The following KIAA1614 variants were observed in gnomAD, a reference collection of about 807,000 sequenced individuals.
KIAA1614 encodes uncharacterized protein KIAA1614.
KIAA1614 carries 76 observed loss-of-function variants against 88.7 expected under a neutral mutation model. That is an observed-to-expected ratio of 0.86 (90% confidence interval 0.71 to 1.04). The LOEUF is 1.04. Ranked by LOEUF, KIAA1614 falls within the 50% of genes least tolerant of loss-of-function variation. The pLI is 0.00. For synonymous variants in KIAA1614, 714 were observed against 675.5 expected, an observed-to-expected ratio of 1.06 and a Z score of -0.88; for missense variants, 1,553 against 1,582.5, an observed-to-expected ratio of 0.98 and a Z score of 0.32.
intron 8 of KIAA1614, 60 bp downstream of exon 8, chr1:180,944,576 G>A (rs1271296606): frequency 6.4e-7 from 1 of 1,567,742 alleles, no homozygotes; most frequent in Non-Finnish European, 8.7e-7. Context: ...GGAGCCAAAA[G>A]CTTAACTCCT....
chr1:180,935,236 CG>C lies in KIAA1614; in HGVS notation c.1331del (p.Gly444AlafsTer33). 1.3e-6 allele frequency: 2 copies of C among 1,532,454 alleles called. No individual in the cohort carries two copies. Among genetic ancestry groups the C allele is most frequent in the Admixed American group, 2.1e-5 (1 of 47,014 alleles). The allele number at this position is 1,532,454 out of a possible 1,614,324, so 94.9% of individuals were successfully genotyped here. A position where few individuals can be genotyped will look rare whatever the true frequency, so the allele number is the denominator to read the frequency against. On this transcript the variant is annotated frameshift_variant, in exon 5 of 9. Coordinates refer to ENST00000367588, the MANE Select transcript of KIAA1614 (RefSeq NM_020950.2). LOFTEE classifies it high-confidence loss of function. The surrounding 1 kb of genome is among the most constrained non-coding windows in gnomAD (Gnocchi z 6.1). ...GTCCAGCGGTGGGCACAGGCCGAGG[CG>C]GGGCCCCTCGCCGTCGCACGTGCGC... ...GESSGGHRPR[R>X]GPSPSHVRFE... is the part of the protein sequence containing the mutation.
intron 4 of KIAA1614, among the ~76,000 whole-genome samples, chr1:180,934,571 C>T (rs1370497900): frequency 6.6e-6 from 1 of 152,164 alleles, no homozygotes; most frequent in Non-Finnish European, 1.5e-5. Flanking sequence ...GCCTGGGCAT[C>T]ATAGAGAGAT....
intron 7 of KIAA1614, 112 bp from the exon 8 acceptor site, chr1:180,944,277 G>T: frequency 1.9e-6 from 2 of 1,074,602 alleles, no homozygotes; most frequent in South Asian, 1.5e-5. Context: ...AATGATAAAA[G>T]CTTGTGCTGT....
At position 180,928,573 on chromosome 1, in the gene KIAA1614, G is replaced by A. The variant is rs201563384; in HGVS notation, c.1205G>A (p.Arg402Gln). Reference protein sequence around the residue: ...DIVPTITQGSRDGHRSPARDP... With the variant: ...DIVPTITQGSQDGHRSPARDP... ...GTGCCCACCATTACCCAGGGCAGCC[G>A]GTGAGTGGGACCTGGGCCAGGCTAG... Residue 402 changes from arginine to glutamine, a missense_variant and splice_region_variant, in exon 4 of 9, where the codon CGA becomes CAA. Physicochemically the swap from Arg to Gln is conservative, Grantham distance 43. Transcript: ENST00000367588. 1.6e-4 allele frequency: 250 copies of A among 1,611,290 alleles called. No individual in the cohort carries two copies. The highest frequency in any genetic ancestry group is 1.9e-4 in the Non-Finnish European group (227 of 1,178,926).
In KIAA1614 at chr1:180,936,566, C is replaced by T; in HGVS notation, c.2657C>T (p.Pro886Leu). Residue 886 changes from proline to leucine, a missense_variant, in exon 5 of 9, where the codon CCT becomes CTT. Pro to Leu is a moderately conservative substitution (Grantham distance 98). Transcript: ENST00000367588. ...ACCAACAACTGCAACAACAGCGCAC[C>T]TCGGGGGCTGCAGGAGCCCTACGGG... The part of the protein sequence containing the change: ...LSTNNCNNSA[P>L]RGLQEPYGGA... The T allele has an allele frequency of 1.2e-6, 2 of 1,613,660 alleles. No homozygotes were observed. Among genetic ancestry groups the T allele is most frequent in the Admixed American group, 1.7e-5 (1 of 59,970 alleles).
Position 180,917,061 on chromosome 1 carries a change from A to G in KIAA1614, c.958A>G (p.Thr320Ala), listed in dbSNP as rs772251903. The G allele has an allele frequency of 1.2e-6, 2 of 1,613,516 alleles. No homozygotes were observed. The highest frequency in any genetic ancestry group is 1.7e-6 in the Non-Finnish European group (2 of 1,179,988). The part of the protein sequence containing the change: ...VSGQSPRKVG[T>A]PAWTPSWDTA... ...TGGGCAGAGCCCCCGCAAGGTGGGA[A>G]CCCCTGCCTGGACTCCATCCTGGGA... Residue 320 changes from threonine to alanine, a missense_variant, in exon 2 of 9, where the codon ACC becomes GCC. Transcript: ENST00000367588.
At chr1:180,937,023 T>C (rs76125201) in intron 5 of KIAA1614, among the ~76,000 whole-genome samples, 2,514 of 152,320 alleles carry the variant, frequency 0.017, 82 homozygotes, top group African/African-American at 0.058. Flanking sequence ...GCCTGGACTT[T>C]AAGGGATGTA....
chr1:180,945,229 T>G, intron 8 of KIAA1614, 74 bp from the exon 9 acceptor site: 1 of 1,476,244 alleles, frequency 6.8e-7, no homozygotes, highest in South Asian at 1.3e-5. Flanking sequence ...GCATCGGTCA[T>G]CTGTAAGCCA....
chr1:180,912,927 G>C lies in KIAA1614; in HGVS notation c.-317G>C, dbSNP rs938901862. Among the ~76,000 whole-genome samples the C allele has an allele frequency of 4.8e-4, 73 of 151,898 alleles. No individual in the cohort carries two copies. Among genetic ancestry groups the C allele is most frequent in the Non-Finnish European group, 8.1e-4 (55 of 67,912 alleles). On this transcript the variant is annotated 5_prime_UTR_variant, in exon 1 of 9. Transcript: ENST00000367588. The surrounding 1 kb of genome is among the most constrained non-coding windows in gnomAD (Gnocchi z 5.1). Reference sequence around the variant, plus strand: ...TCCCCTCCACGGCAAAGCCGTGAACGGACAGCTGATGCCACTTCCTTCCCT... The same window carrying C: ...TCCCCTCCACGGCAAAGCCGTGAACCGACAGCTGATGCCACTTCCTTCCCT...
In KIAA1614 at chr1:180,916,577, G is replaced by C; in HGVS notation, c.474G>C (p.Glu158Asp). ...GGCAGCTGGACGGCAGCATCAATGA[G>C]GAGCAACCCGCCAGGGATGGAGGCC... is the stretch of plus-strand genomic sequence containing the variant. Reference protein sequence around the residue: ...PDGQLDGSINEEQPARDGGPR... With the variant: ...PDGQLDGSINDEQPARDGGPR... Residue 158 changes from glutamate (E) to aspartate (D), a missense_variant, in exon 2 of 9, where the codon GAG becomes GAC. Physicochemically the swap from Glu to Asp is conservative, Grantham distance 45. Transcript: ENST00000367588. 6.2e-7 allele frequency: 1 copy of C among 1,609,006 alleles called. No individual in the cohort carries two copies.
intron 5 of KIAA1614, among the ~76,000 whole-genome samples, chr1:180,937,426 A>G (rs1016772495): frequency 6.6e-6 from 1 of 152,146 alleles, no homozygotes; most frequent in Non-Finnish European, 1.5e-5. Context: ...TGTGGGTCTC[A>G]CCACTTTGCC....
At chr1:180,917,984 G>C in intron 3 of KIAA1614, 70 bp downstream of exon 3, 2 of 1,365,094 alleles carry the variant, frequency 1.5e-6, no homozygotes, top group Non-Finnish European at 2.1e-6. Context: ...CTCAGCATCA[G>C]GACAGTAAGA....
At chr1:180,941,764 C>T (rs923034746) in intron 7 of KIAA1614, among the ~76,000 whole-genome samples, 4 of 152,220 alleles carry the variant, frequency 2.6e-5, no homozygotes, top group African/African-American at 9.7e-5. Flanking sequence ...GAACATCTGT[C>T]ATTGGTCCCT....
Position 180,950,482 on chromosome 1 carries a change from C to T in KIAA1614, c.*4894C>T, listed in dbSNP as rs574753722. ...CTCACATTAAGGAGCTCCTGGCCCA[C>T]TCAGAGAGCTTGTCAATCCGTGTCC... On this transcript the variant is annotated 3_prime_UTR_variant, in exon 9 of 9. Transcript: ENST00000367588. 18 of 1,142,790 alleles carry T rather than the reference C, an allele frequency of 1.6e-5. No individual in the cohort carries two copies. The East Asian group carries it at 1.5e-3, about 97-fold the overall frequency. 70.8% of individuals were successfully genotyped at this position (1,142,790 alleles called of 1,614,324 possible). A position where few individuals can be genotyped will look rare whatever the true frequency, so the allele number is the denominator to read the frequency against.
At chr1:180,938,782 C>A in intron 6 of KIAA1614, 71 bp downstream of exon 6, 1 of 1,486,412 alleles carries the variant, frequency 6.7e-7, no homozygotes, top group Non-Finnish European at 9.2e-7. Context: ...GGACAGAGAC[C>A]CCCTGGAGTG....
Position 180,928,474 on chromosome 1 carries a change from A to C in KIAA1614, c.1106A>C (p.Glu369Ala). Residue 369 changes from glutamate to alanine, a missense_variant, in exon 4 of 9, where the codon GAG (glutamate) becomes GCG (alanine). Physicochemically the swap from Glu to Ala is moderately radical, Grantham distance 107. Coordinates refer to ENST00000367588, the MANE Select transcript of KIAA1614 (RefSeq NM_020950.2). Reference protein sequence around the residue: ...NPEPVLSPRHEEATHLLQRAR... With the variant: ...NPEPVLSPRHAEATHLLQRAR... Reference sequence around the variant, plus strand: ...GAGCCTGTGCTGAGCCCCAGGCATGAGGAAGCCACGCATCTGCTGCAGCGT... The same window carrying C: ...GAGCCTGTGCTGAGCCCCAGGCATGCGGAAGCCACGCATCTGCTGCAGCGT... 1 of 1,613,348 alleles carries C rather than the reference A, an allele frequency of 6.2e-7. No individual in the cohort carries two copies. Among genetic ancestry groups the C allele is most frequent in the South Asian group, 1.1e-5 (1 of 91,066 alleles).
At position 180,916,542 on chromosome 1, in the gene KIAA1614, C is replaced by G. The variant is rs752558901; in HGVS notation, c.439C>G (p.Leu147Val). 9 of 1,613,114 alleles carry G rather than the reference C, an allele frequency of 5.6e-6. No homozygotes were observed. The highest frequency in any genetic ancestry group is 1.6e-4 in the Middle Eastern group (1 of 6,080). Reference protein sequence around the residue: ...GAVVAPRTQNLPDGQLDGSIN... With the variant: ...GAVVAPRTQNVPDGQLDGSIN... ...TGTGGTGGCTCCTCGTACCCAAAAC[C>G]TGCCTGATGGGCAGCTGGACGGCAG... Residue 147 changes from leucine to valine, a missense_variant, in exon 2 of 9, where the codon CTG becomes GTG. Leu to Val is a conservative substitution (Grantham distance 32). Coordinates refer to ENST00000367588, the MANE Select transcript of KIAA1614 (RefSeq NM_020950.2).
intron 3 of KIAA1614, among the ~76,000 whole-genome samples, chr1:180,920,497 C>T (rs1490119619): frequency 1.3e-5 from 2 of 152,210 alleles, no homozygotes; most frequent in East Asian, 3.9e-4. Context: ...AGCGCAGGAC[C>T]TCACTCATGA....
In KIAA1614 at chr1:180,950,408, G is replaced by A. The variant is rs1227972782; in HGVS notation, c.*4820G>A. 1.1e-5 allele frequency: 13 copies of A among 1,230,394 alleles called. No homozygotes were observed. The highest frequency in any genetic ancestry group is 2.2e-4 in the Middle Eastern group (1 of 4,482). 76.2% of individuals were successfully genotyped at this position (1,230,394 alleles called of 1,614,324 possible). ...GTACTCAGGGCTGCTGGGGGTGGGC[G>A]ATGAGATCCTCGAGGTGAACGGGGC... is the stretch of plus-strand genomic sequence containing the variant. On this transcript the variant is annotated 3_prime_UTR_variant, in exon 9 of 9. Transcript: ENST00000367588.
Sources: allele counts gnomAD v4.1 joint callset (sites outside exome capture counted in the v4.1 genomes callset), GRCh38; gene constraint gnomAD v4.1.1; non-coding constraint Gnocchi (gnomAD v3.1); transcripts MANE v1.5; gene names NCBI Gene and HGNC (gene_info 2026-07-23, HGNC 2026-07-21).